RAD51B: variants seen among roughly 807,000 people sequenced by gnomAD.
RAD51B encodes the protein DNA repair protein RAD51 homolog 2.
Under a neutral mutation model 42.2 loss-of-function variants are expected in RAD51B, and 38 were observed. The ratio of observed to expected loss-of-function variants is 0.90; its 90% confidence interval spans 0.70 to 1.18. RAD51B has a LOEUF of 1.18. RAD51B is among the 50% of genes most tolerant of loss of function. The pLI is 0.00. For missense variants in RAD51B, 373 were observed against 400.7 expected, an observed-to-expected ratio of 0.93 and a Z score of 0.59; for synonymous variants, 154 against 145.2, an observed-to-expected ratio of 1.06 and a Z score of -0.43.
chr14:68,139,367 A>G (rs1264693070), intron 7 of RAD51B, among the ~76,000 whole-genome samples: 2 of 152,178 alleles, frequency 1.3e-5, no homozygotes, highest in Non-Finnish European at 1.5e-5. Flanking sequence ...GCATACATAA[A>G]TCATTCTTTT....
intron 7 of RAD51B, among the ~76,000 whole-genome samples, chr14:68,059,176 T>C (rs906944296): frequency 2.0e-5 from 3 of 152,108 alleles, no homozygotes; most frequent in African/African-American, 7.2e-5. Context: ...GTACCTCCTT[T>C]CCATTTCCAC....
chr14:67,986,740 G>GT (rs1313369969), intron 7 of RAD51B, among the ~76,000 whole-genome samples: 3 of 151,900 alleles, frequency 2.0e-5, no homozygotes, highest in Non-Finnish European at 4.4e-5. Flanking sequence ...TCTATCTATG[G>GT]TTTTTTTGTG....
chr14:68,096,998 A>C (rs906767470), intron 7 of RAD51B, among the ~76,000 whole-genome samples: 10 of 152,212 alleles, frequency 6.6e-5, no homozygotes, highest in African/African-American at 2.4e-4. Flanking sequence ...TCCTGACTTG[A>C]TAGTTAAATC....
chr14:68,040,238 A>G (rs1438320241), intron 7 of RAD51B, among the ~76,000 whole-genome samples: 1 of 152,222 alleles, frequency 6.6e-6, no homozygotes, highest in Non-Finnish European at 1.5e-5. Flanking sequence ...TTATAGTAGG[A>G]TAATCTGGTC....
chr14:67,923,557 C>T (rs972042497), intron 7 of RAD51B, among the ~76,000 whole-genome samples: 18 of 151,902 alleles, frequency 1.2e-4, no homozygotes, highest in Non-Finnish European at 5.9e-5. Flanking sequence ...CCTCAGCCTC[C>T]CAAATTGCTG....
chr14:68,012,441 T>TAC (rs1403246060), intron 7 of RAD51B, among the ~76,000 whole-genome samples: 2 of 151,706 alleles, frequency 1.3e-5, no homozygotes, highest in Non-Finnish European at 2.9e-5. Context: ...TTTATATATA[T>TAC]ATATCTAGAG....
At chr14:68,550,702 C>T (rs1888503814) in intron 10 of RAD51B, among the ~76,000 whole-genome samples, 1 of 152,132 alleles carries the variant, frequency 6.6e-6, no homozygotes, top group Non-Finnish European at 1.5e-5. Context: ...TATGGAATTC[C>T]CTATCAGCCA....
At chr14:68,465,955 T>TAAAATA (rs1240782454) in intron 9 of RAD51B, among the ~76,000 whole-genome samples, 1 of 34,700 alleles carries the variant, frequency 2.9e-5, no homozygotes, top group African/African-American at 1.7e-4. Flanking sequence ...AAAAAAAAAA[T>TAAAATA]AAATAAATAA....
chr14:68,638,250 G>T (rs141697108), intron 10 of RAD51B, among the ~76,000 whole-genome samples: 1 of 152,168 alleles, frequency 6.6e-6, no homozygotes, highest in East Asian at 1.9e-4. Context: ...TGGAGGAGGC[G>T]AATGAGCTTC....
intron 7 of RAD51B, among the ~76,000 whole-genome samples, chr14:68,177,861 C>T (rs1474155076): frequency 6.6e-6 from 1 of 152,102 alleles, no homozygotes; most frequent in Non-Finnish European, 1.5e-5. Context: ...GCTAAGCATA[C>T]TTTAAAGAAA....
In RAD51B at chr14:67,995,644, C is replaced by T. The variant is rs558539423; in HGVS notation, c.756+108440C>T. 2.3e-3 allele frequency among the ~76,000 whole-genome samples: 336 copies of T among 147,910 alleles called. 1 individual carries two copies. The highest frequency in any genetic ancestry group is 8.2e-3 in the African/African-American group (325 of 39,738). ...TTTTTTTTCTTTTGAGACGGAGTCT[C>T]TCTCTGTCACCCAGGCTGGATGGAG... On this transcript the variant is annotated intron_variant, in intron 7 of 10. Transcript: ENST00000471583.
intron 9 of RAD51B, among the ~76,000 whole-genome samples, chr14:68,429,971 G>A (rs1380826802): frequency 9.2e-5 from 14 of 152,140 alleles, no homozygotes; most frequent in Non-Finnish European, 2.1e-4. Flanking sequence ...CATATGGCCA[G>A]CCAGTTTTCC....
At chr14:68,308,208 G>T (rs2139716063) in intron 8 of RAD51B, among the ~76,000 whole-genome samples, 1 of 152,212 alleles carries the variant, frequency 6.6e-6, no homozygotes, top group Admixed American at 6.5e-5. Context: ...AGGACATTTT[G>T]CACATCAGAA....
chr14:68,382,892 T>C (rs1430150203), intron 8 of RAD51B, among the ~76,000 whole-genome samples: 2 of 152,216 alleles, frequency 1.3e-5, no homozygotes, highest in Non-Finnish European at 2.9e-5. Context: ...TAGCATAGTA[T>C]TACATGGCTT....
intron 4 of RAD51B, among the ~76,000 whole-genome samples, chr14:67,854,599 A>G (rs1332149485): frequency 2.6e-5 from 4 of 151,198 alleles, no homozygotes; most frequent in African/African-American, 9.8e-5. Flanking sequence ...GCACTACTGC[A>G]CTCCAGCCTG....
At chr14:67,900,133 A>G (rs2043560979) in intron 7 of RAD51B, among the ~76,000 whole-genome samples, 1 of 152,184 alleles carries the variant, frequency 6.6e-6, no homozygotes, top group Non-Finnish European at 1.5e-5. Flanking sequence ...TATTAGTGTT[A>G]TCAGTATTTA....
intron 7 of RAD51B, among the ~76,000 whole-genome samples, chr14:67,938,397 C>G (rs1040209876): frequency 3.3e-5 from 5 of 152,152 alleles, no homozygotes; most frequent in African/African-American, 1.2e-4. Context: ...TTTGACGGAG[C>G]CATACAACTT....
intron 10 of RAD51B, among the ~76,000 whole-genome samples, chr14:68,594,015 T>C (rs1055170607): frequency 9.2e-5 from 14 of 152,142 alleles, no homozygotes; most frequent in Non-Finnish European, 4.4e-5. Flanking sequence ...TTTGTGTATG[T>C]GGGCCTGTCA....
chr14:68,349,989 G>A (rs1273882667), intron 8 of RAD51B, among the ~76,000 whole-genome samples: 3 of 152,138 alleles, frequency 2.0e-5, no homozygotes, highest in South Asian at 2.1e-4. Context: ...ACACGCTATC[G>A]CACTGGGAGG....
Sources: allele counts gnomAD v4.1 joint callset (sites outside exome capture counted in the v4.1 genomes callset), GRCh38; gene constraint gnomAD v4.1.1; transcripts MANE v1.5; gene names NCBI Gene and HGNC (gene_info 2026-07-23, HGNC 2026-07-21).